The following PCSK6 variants were observed in gnomAD, a reference collection of about 807,000 sequenced individuals.
PCSK6 encodes proprotein convertase subtilisin/kexin type 6, also known as paired basic amino acid cleaving enzyme 4.
A neutral mutation model predicts 123.3 loss-of-function variants in PCSK6; 85 were observed. That is an observed-to-expected ratio of 0.69 (90% confidence interval 0.58 to 0.83). PCSK6 has a LOEUF of 0.83. Ranked by LOEUF, PCSK6 falls within the 40% of genes least tolerant of loss-of-function variation. The pLI is 0.00. For synonymous variants in PCSK6, 508 were observed against 516.0 expected, an observed-to-expected ratio of 0.98 and a Z score of 0.21; for missense variants, 1,191 against 1,282.3, an observed-to-expected ratio of 0.93 and a Z score of 1.09.
intron 1 of PCSK6, among the ~76,000 whole-genome samples, chr15:101,480,864 C>T (rs372864398): frequency 5.3e-5 from 8 of 152,092 alleles, no homozygotes; most frequent in Admixed American, 3.3e-4. Flanking sequence ...AAAAAGCAAA[C>T]GATTGGGATG....
intron 13 of PCSK6, chr15:101,365,706 A>G (rs2041367302): frequency 6.5e-6 from 1 of 153,620 alleles, no homozygotes; most frequent in African/African-American, 2.4e-5. Context: ...CAATCCGTAC[A>G]ATGGAATATC....
chr15:101,459,146 T>C (rs1187132202), intron 1 of PCSK6, among the ~76,000 whole-genome samples: 2 of 152,092 alleles, frequency 1.3e-5, no homozygotes, highest in African/African-American at 4.8e-5. Context: ...ATCCCTATTA[T>C]ATACAAACAT....
intron 8 of PCSK6, among the ~76,000 whole-genome samples, chr15:101,391,999 C>T (rs890254408): frequency 6.6e-6 from 1 of 152,212 alleles, no homozygotes; most frequent in Non-Finnish European, 1.5e-5. Context: ...TGACGTGATT[C>T]GTAATGCAAA....
At chr15:101,347,029 G>T (rs2040751692) in intron 13 of PCSK6, 1 of 1,231,758 alleles carries the variant, frequency 8.1e-7, no homozygotes, top group South Asian at 4.1e-5. Context: ...GTTAAAAATG[G>T]AACTTTTTGA....
intron 2 of PCSK6, among the ~76,000 whole-genome samples, chr15:101,435,502 G>T (rs974895714): frequency 2.0e-5 from 3 of 152,326 alleles, no homozygotes; most frequent in Admixed American, 2.0e-4. Context: ...AAAGTGCCAG[G>T]ATTTCTTTAA....
At chr15:101,379,134 A>C (rs2041838636) in intron 11 of PCSK6, among the ~76,000 whole-genome samples, 1 of 152,244 alleles carries the variant, frequency 6.6e-6, no homozygotes, top group Admixed American at 6.5e-5. Flanking sequence ...TTGGGAGCAC[A>C]GGCTGGGTGC....
In PCSK6 at chr15:101,489,690, G is replaced by A. The variant is rs1233675651; in HGVS notation, c.-20C>T. On this transcript the variant is annotated 5_prime_UTR_variant, in exon 1 of 22. Transcript: ENST00000611716. Reference sequence around the variant, plus strand: ...AGGCATAGCGGCGACAGGCTCGCGCGGCGCCCGAGCTGCGAGTGCGCCGGG... The same window carrying A: ...AGGCATAGCGGCGACAGGCTCGCGCAGCGCCCGAGCTGCGAGTGCGCCGGG... The A allele has an allele frequency of 5.2e-5, 50 of 968,804 alleles. No homozygotes were observed. The highest frequency in any genetic ancestry group is 6.0e-5 in the Non-Finnish European group (49 of 817,856). 60.0% of individuals were successfully genotyped at this position (968,804 alleles called of 1,614,324 possible).
At chr15:101,306,001 T>G (rs1256280724) in intron 21 of PCSK6, among the ~76,000 whole-genome samples, 1 of 152,110 alleles carries the variant, frequency 6.6e-6, no homozygotes, top group African/African-American at 2.4e-5. Flanking sequence ...GGGGCACATG[T>G]GCACCTGTCT....
chr15:101,362,178 G>C (rs570142388), intron 13 of PCSK6, among the ~76,000 whole-genome samples: 53 of 152,146 alleles, frequency 3.5e-4, no homozygotes, highest in Admixed American at 1.6e-3. Flanking sequence ...GGATGGTCTC[G>C]ATCTCCTGAC....
chr15:101,424,870 T>C (rs79801229), intron 6 of PCSK6, among the ~76,000 whole-genome samples: 3,300 of 152,296 alleles, frequency 0.022, 135 homozygotes, highest in African/African-American at 0.075. Flanking sequence ...AATTAACGCA[T>C]TGAATATGGT....
At chr15:101,439,655 C>A (rs981666124) in intron 2 of PCSK6, among the ~76,000 whole-genome samples, 1 of 152,220 alleles carries the variant, frequency 6.6e-6, no homozygotes, top group African/African-American at 2.4e-5. Context: ...CTCTAGCACA[C>A]AAAACTGTTA....
chr15:101,341,161 C>T (rs2141387766), intron 13 of PCSK6, among the ~76,000 whole-genome samples: 1 of 151,670 alleles, frequency 6.6e-6, no homozygotes, highest in Non-Finnish European at 1.5e-5. Flanking sequence ...TCTTGAACTC[C>T]GAACCTCAGG....
At chr15:101,372,148 C>T (rs1408864875) in intron 11 of PCSK6, among the ~76,000 whole-genome samples, 1 of 152,174 alleles carries the variant, frequency 6.6e-6, no homozygotes, top group Non-Finnish European at 1.5e-5. Flanking sequence ...AGCCCCCGAC[C>T]CACCCCAGTG....
chr15:101,439,348 G>A (rs1283489478), intron 2 of PCSK6, among the ~76,000 whole-genome samples: 1 of 152,248 alleles, frequency 6.6e-6, no homozygotes, highest in Non-Finnish European at 1.5e-5. Flanking sequence ...AGAATAAAAT[G>A]CTGTCTTTTA....
intron 13 of PCSK6, among the ~76,000 whole-genome samples, chr15:101,336,331 C>A (rs193048743): frequency 6.8e-4 from 104 of 152,330 alleles, no homozygotes; most frequent in Non-Finnish European, 1.3e-3. Flanking sequence ...GAGACTGGCA[C>A]GCAGGAGCTG....
chr15:101,373,742 A>G (rs1021691016), intron 11 of PCSK6, among the ~76,000 whole-genome samples: 1 of 152,228 alleles, frequency 6.6e-6, no homozygotes, highest in African/African-American at 2.4e-5. Flanking sequence ...CAGTCAATGA[A>G]AAAAACAGAA....
rs944199941 is a variant in PCSK6, at chr15:101,393,301, C to T, written c.1120G>A (p.Glu374Lys). The T allele has an allele frequency of 3.1e-6, 5 of 1,612,496 alleles. No homozygotes were observed. Among genetic ancestry groups the T allele is most frequent in the East Asian group, 2.2e-5 (1 of 44,866 alleles). Residue 374 changes from glutamate (E) to lysine (K), a missense_variant, in exon 8 of 22, where the codon GAG becomes AAG. Around this residue, in one of 3 missense-constraint regions of PCSK6, gnomAD observed 357 missense variants for 484.5 expected, o/e 0.74. Coordinates refer to ENST00000611716, the MANE Select transcript of PCSK6 (RefSeq NM_002570.5). ...AGGTACCAGGGCTTGTAGCCATTCT[C>T]GGTGGCGCTGCTGACGGAGATGGTG... The part of the protein sequence containing the change: ...IYTISVSSAT[E>K]NGYKPWYLEE...
At chr15:101,460,103 T>C (rs1596358322) in intron 1 of PCSK6, among the ~76,000 whole-genome samples, 1 of 152,176 alleles carries the variant, frequency 6.6e-6, no homozygotes, top group Admixed American at 6.5e-5. Context: ...TATGCCCCTA[T>C]GAACCGTCAC....
intron 16 of PCSK6, among the ~76,000 whole-genome samples, chr15:101,326,096 T>C (rs1468654353): frequency 6.6e-6 from 1 of 152,258 alleles, no homozygotes; most frequent in African/African-American, 2.4e-5. Context: ...ACGCCCAACA[T>C]GACCCACTTC....
Sources: allele counts gnomAD v4.1 joint callset (sites outside exome capture counted in the v4.1 genomes callset), GRCh38; gene constraint gnomAD v4.1.1; regional missense constraint gnomAD v4.1.1; transcripts MANE v1.5; gene names NCBI Gene and HGNC (gene_info 2026-07-23, HGNC 2026-07-21).